NRXN3: variants seen among roughly 807,000 people sequenced by gnomAD.
The protein encoded by NRXN3 is neurexin III.
NRXN3 carries 32 observed loss-of-function variants against 137.6 expected under a neutral mutation model. The observed-to-expected ratio is 0.23, with a 90% CI of 0.18 to 0.31. The LOEUF is 0.31. Among genes scored for constraint, NRXN3 ranks in the 10% least tolerant of loss-of-function variants. The probability of loss-of-function intolerance (pLI) is 1.00; values close to 1 mark genes in which losing one functional copy is unlikely to be tolerated. For synonymous variants in NRXN3, 798 were observed against 784.5 expected (o/e 1.02, Z -0.29); for missense variants, 1,574 against 2,062.5 (o/e 0.76, Z 4.59).
At position 78,440,850 on chromosome 14, in the gene NRXN3, T is replaced by A. The variant is rs80161941; in HGVS notation, c.757+142990T>A. ...CTTAAAGGGCTCCCATCTCATCGATTTGCATGCTGTCAGCATCCTCCTGCT... is the reference window on the plus strand; with the variant it reads ...CTTAAAGGGCTCCCATCTCATCGATATGCATGCTGTCAGCATCCTCCTGCT... On this transcript the variant is annotated intron_variant, in intron 4 of 20. Transcript: ENST00000335750. Among the ~76,000 whole-genome samples the A allele has an allele frequency of 1.5e-3, 228 of 152,254 alleles. 3 individuals carry two copies. In the East Asian group the frequency reaches 0.023, roughly 16 times the overall value.
chr14:78,958,962 G>T (rs2099402746), intron 11 of NRXN3, among the ~76,000 whole-genome samples: 1 of 152,162 alleles, frequency 6.6e-6, no homozygotes, highest in Non-Finnish European at 1.5e-5. Flanking sequence ...ATGCCTTTGA[G>T]ATAGATATAC....
At chr14:79,124,842 G>A (rs1416969985) in intron 15 of NRXN3, among the ~76,000 whole-genome samples, 1 of 152,038 alleles carries the variant, frequency 6.6e-6, no homozygotes, top group African/African-American at 2.4e-5. Context: ...TTTCAGCAAT[G>A]ATTCTCTAAA....
At chr14:78,391,826 C>T (rs1047146767) in intron 4 of NRXN3, among the ~76,000 whole-genome samples, 2 of 151,968 alleles carry the variant, frequency 1.3e-5, no homozygotes, top group African/African-American at 2.4e-5. Flanking sequence ...TATAATTCTC[C>T]CATAAAGAAC....
At chr14:79,387,212 G>A (rs1241629356) in intron 15 of NRXN3, among the ~76,000 whole-genome samples, 18 of 151,874 alleles carry the variant, frequency 1.2e-4, no homozygotes, top group Admixed American at 1.2e-3. Context: ...ATCTGACAAA[G>A]GGCTAATATC....
intron 4 of NRXN3, among the ~76,000 whole-genome samples, chr14:78,481,263 A>T (rs1310984841): frequency 6.6e-6 from 1 of 152,242 alleles, no homozygotes; most frequent in Non-Finnish European, 1.5e-5. Context: ...ACGCTGTGCA[A>T]AATGAGTCTT....
intron 8 of NRXN3, among the ~76,000 whole-genome samples, chr14:78,787,902 A>G (rs2098793796): frequency 6.6e-6 from 1 of 152,038 alleles, no homozygotes; most frequent in South Asian, 2.1e-4. Context: ...AGAACAGAAG[A>G]AAGCAGAACG....
chr14:78,794,201 G>A (rs1464626576), intron 8 of NRXN3, among the ~76,000 whole-genome samples: 1 of 151,940 alleles, frequency 6.6e-6, no homozygotes, highest in Non-Finnish European at 1.5e-5. Context: ...TGACCAACAT[G>A]GGAAACCCCG....
At chr14:78,273,334 G>A (rs2073080982) in intron 2 of NRXN3, among the ~76,000 whole-genome samples, 1 of 152,156 alleles carries the variant, frequency 6.6e-6, no homozygotes. Flanking sequence ...CTACCTCATC[G>A]GGTTGTTGTG....
chr14:79,460,368 G>C (rs1460148009), intron 15 of NRXN3, among the ~76,000 whole-genome samples: 1 of 152,116 alleles, frequency 6.6e-6, no homozygotes, highest in East Asian at 1.9e-4. Flanking sequence ...TTTACCACCA[G>C]AATTAAGTAG....
chr14:79,478,750 C>G (rs534258342), intron 16 of NRXN3, among the ~76,000 whole-genome samples: 2 of 152,090 alleles, frequency 1.3e-5, no homozygotes, highest in South Asian at 4.2e-4. Flanking sequence ...GCTCTTGGTA[C>G]CTAAGGAGAT....
chr14:78,436,095 C>T (rs1007985632), intron 4 of NRXN3, among the ~76,000 whole-genome samples: 1 of 152,020 alleles, frequency 6.6e-6, no homozygotes, highest in African/African-American at 2.4e-5. Context: ...TTGGTGAAAA[C>T]CCTGGAAAGA....
chr14:79,103,906 C>T (rs754120682), intron 15 of NRXN3, among the ~76,000 whole-genome samples: 1 of 152,132 alleles, frequency 6.6e-6, no homozygotes, highest in East Asian at 1.9e-4. Flanking sequence ...CACACATGTG[C>T]AAATCTGCAC....
At position 78,715,006 on chromosome 14, in the gene NRXN3, C is replaced by T; in HGVS notation, c.1911C>T (p.Ser637=). ...TGCAGAATGCTGCGGGTGTCAAGTCCTCCTGTTCACGGATGAGTGCCAAGC... is the reference window on the plus strand; with the variant it reads ...TGCAGAATGCTGCGGGTGTCAAGTCTTCCTGTTCACGGATGAGTGCCAAGC... ...AEMQNAAGVK[S]SCSRMSAKQC... The change falls in exon 8 of 21, where the codon TCC becomes TCT. Residue 637 remains serine, a synonymous_variant. Coordinates refer to ENST00000335750, the MANE Select transcript of NRXN3 (RefSeq NM_001330195.2). 1.2e-6 allele frequency: 2 copies of T among 1,614,130 alleles called. No individual in the cohort carries two copies. Among genetic ancestry groups the T allele is most frequent in the Non-Finnish European group, 1.7e-6 (2 of 1,180,034 alleles).
At chr14:79,109,089 A>G (rs1158476883) in intron 15 of NRXN3, among the ~76,000 whole-genome samples, 1 of 152,170 alleles carries the variant, frequency 6.6e-6, no homozygotes, top group Non-Finnish European at 1.5e-5. Flanking sequence ...TAAGTAATAG[A>G]TGTTCAGTGA....
At chr14:79,616,481 T>A (rs1396941202) in intron 16 of NRXN3, among the ~76,000 whole-genome samples, 1 of 152,048 alleles carries the variant, frequency 6.6e-6, no homozygotes, top group Non-Finnish European at 1.5e-5. Context: ...AGAGCAAGGT[T>A]AATGGAGAAC....
intron 8 of NRXN3, among the ~76,000 whole-genome samples, chr14:78,801,165 C>T (rs1431329051): frequency 6.6e-6 from 1 of 151,974 alleles, no homozygotes; most frequent in Non-Finnish European, 1.5e-5. Context: ...ACTAAAAATA[C>T]AAAAAATTAG....
intron 20 of NRXN3, among the ~76,000 whole-genome samples, chr14:79,855,234 G>A (rs2141832864): frequency 6.6e-6 from 1 of 152,270 alleles, no homozygotes; most frequent in African/African-American, 2.4e-5. Context: ...AACCAATGCT[G>A]CCTTATGTAC....
chr14:79,613,755 A>G (rs112666184), intron 16 of NRXN3, among the ~76,000 whole-genome samples: 149 of 152,330 alleles, frequency 9.8e-4, no homozygotes, highest in African/African-American at 3.4e-3. Context: ...GCAGGTTCAC[A>G]GTGCCTAGCT....
intron 1 of NRXN3, among the ~76,000 whole-genome samples, chr14:78,174,928 G>A (rs1250043535): frequency 6.6e-6 from 1 of 152,186 alleles, no homozygotes; most frequent in Admixed American, 6.5e-5. Context: ...TTTCCCTGCT[G>A]CCTTGACAGA....
Sources: gnomAD v4.1 joint callset for allele counts (sites outside exome capture counted in the v4.1 genomes callset) on GRCh38, gnomAD v4.1.1 for gene constraint, MANE v1.5 for transcripts, NCBI Gene and HGNC (gene_info 2026-07-23, HGNC 2026-07-21) for gene names.